The following PLCG2 variants were observed in gnomAD, a reference collection of about 807,000 sequenced individuals.
PLCG2 encodes phospholipase C gamma 2.
PLCG2 carries 69 observed loss-of-function variants against 175.6 expected under a neutral mutation model. The observed-to-expected ratio is 0.39, with a 90% CI of 0.32 to 0.48. The LOEUF (loss-of-function observed/expected upper bound fraction) is 0.48. Ranked by LOEUF, PLCG2 falls within the 20% of genes least tolerant of loss-of-function variation. The pLI, the probability that PLCG2 is intolerant of heterozygous loss-of-function variation, is 0.91. For synonymous variants in PLCG2, 827 were observed against 624.0 expected (o/e 1.33, Z -4.85); for missense variants, 1,798 against 1,650.9 (o/e 1.09, Z -1.54).
chr16:81,957,841 A>T, intron 32 of PLCG2, 115 bp from the exon 33 acceptor site: 1 of 901,930 alleles, frequency 1.1e-6, no homozygotes, highest in Non-Finnish European at 1.8e-6. Context: ...ACTCAGCCCT[A>T]TACCATCCAG....
intron 1 of PLCG2, among the ~76,000 whole-genome samples, chr16:81,744,679 C>T (rs1463510688): frequency 6.6e-6 from 1 of 152,118 alleles, no homozygotes; most frequent in Non-Finnish European, 1.5e-5. Flanking sequence ...CTCAAGTGAT[C>T]TCCTACCTCA....
chr16:81,960,271 A>G lies in PLCG2; in HGVS notation c.*2273A>G, dbSNP rs746417517. 5.4e-5 allele frequency: 12 copies of G among 220,640 alleles called. No homozygotes were observed. Among genetic ancestry groups the G allele is most frequent in the Non-Finnish European group, 1.0e-4 (11 of 110,246 alleles). 13.7% of individuals were successfully genotyped at this position (220,640 alleles called of 1,614,324 possible). ...GGTATGATGGCTCTTCCCAGAGTCT[A>G]TGTGATGCTACATAACTTCAGTATC... On this transcript the variant is annotated 3_prime_UTR_variant, in exon 33 of 33. Coordinates refer to ENST00000564138, the MANE Select transcript of PLCG2 (RefSeq NM_002661.5).
At chr16:81,742,174 G>A (rs866851141) in intron 1 of PLCG2, among the ~76,000 whole-genome samples, 10 of 150,634 alleles carry the variant, frequency 6.6e-5, no homozygotes, top group Admixed American at 3.3e-4. Flanking sequence ...GGCGGTGTTG[G>A]CTAAAATTGA....
rs991965495 is a variant in PLCG2 at position 81,854,554 on chromosome 16, A to T, written c.304A>T (p.Thr102Ser). 2 of 1,614,056 alleles carry T rather than the reference A, an allele frequency of 1.2e-6. No homozygotes were observed. The highest frequency in any genetic ancestry group is 1.7e-6 in the Non-Finnish European group (2 of 1,179,928). ...CTGCTGCTTCACCATCCTATATGGC[A>T]CTCAGTTCGTCCTCAGCACGCTCAG... Reference protein sequence around the residue: ...EDCCFTILYGTQFVLSTLSLA... With the variant: ...EDCCFTILYGSQFVLSTLSLA... Residue 102 changes from threonine (T) to serine (S), a missense_variant, in exon 3 of 33, where the codon ACT becomes TCT. Coordinates refer to ENST00000564138, the MANE Select transcript of PLCG2 (RefSeq NM_002661.5).
At chr16:81,830,048 A>G (rs1230232822) in intron 2 of PLCG2, among the ~76,000 whole-genome samples, 3 of 151,972 alleles carry the variant, frequency 2.0e-5, no homozygotes, top group African/African-American at 7.2e-5. Flanking sequence ...GGCCGGGTGC[A>G]GTGGCTCATG....
In PLCG2 at chr16:81,826,968, A is replaced by T. The variant is rs377231758; in HGVS notation, c.194-27476A>T. Among the ~76,000 whole-genome samples, 56 of 152,328 alleles carry T rather than the reference A, an allele frequency of 3.7e-4. 2 individuals carry two copies. The East Asian group carries it at 7.1e-3, about 19-fold the overall frequency. On this transcript the variant is annotated intron_variant, in intron 2 of 32. Transcript: ENST00000564138. ...TCCTGTGGATCCGATGAGATGACTG[A>T]AGATAGGACACTTGATCCTGGACTT...
At chr16:81,951,580 C>G (rs1911367446) in intron 31 of PLCG2, among the ~76,000 whole-genome samples, 1 of 152,188 alleles carries the variant, frequency 6.6e-6, no homozygotes, top group Non-Finnish European at 1.5e-5. Flanking sequence ...TGAAGCTATA[C>G]AACTTTCATA....
At chr16:81,880,881 C>T (rs776465745) in intron 7 of PLCG2, 29 bp from the exon 8 acceptor site, 4 of 1,608,714 alleles carry the variant, frequency 2.5e-6, no homozygotes, top group South Asian at 1.1e-5. Flanking sequence ...GTCTAAGGTT[C>T]TTTTTTTTGT....
chr16:81,899,406 G>A (rs559656318), intron 13 of PLCG2, among the ~76,000 whole-genome samples: 1 of 151,990 alleles, frequency 6.6e-6, no homozygotes, highest in Non-Finnish European at 1.5e-5. Flanking sequence ...GGATACAGGT[G>A]ATCCTTATTG....
chr16:81,834,708 G>T (rs1357376995), intron 2 of PLCG2, among the ~76,000 whole-genome samples: 3 of 152,182 alleles, frequency 2.0e-5, no homozygotes, highest in Non-Finnish European at 4.4e-5. Flanking sequence ...TGAGCAGGGT[G>T]GGGAGGAGAA....
At chr16:81,860,890 T>C (rs1597359643) in intron 5 of PLCG2, among the ~76,000 whole-genome samples, 1 of 152,056 alleles carries the variant, frequency 6.6e-6, no homozygotes, top group Non-Finnish European at 1.5e-5. Flanking sequence ...GGCAGGAGAA[T>C]TGCTTGAACC....
At chr16:81,893,296 C>G (rs543393414) in intron 11 of PLCG2, among the ~76,000 whole-genome samples, 7 of 152,232 alleles carry the variant, frequency 4.6e-5, no homozygotes, top group African/African-American at 1.7e-4. Flanking sequence ...AATATCTGTT[C>G]TGTGCCTGGC....
At chr16:81,904,933 G>C (rs183475594) in intron 14 of PLCG2, among the ~76,000 whole-genome samples, 2 of 152,180 alleles carry the variant, frequency 1.3e-5, no homozygotes, top group African/African-American at 4.8e-5. Flanking sequence ...TGTTGCCCAG[G>C]CTGGAGTGCA....
At chr16:81,952,223 G>C (rs1208656885) in intron 31 of PLCG2, among the ~76,000 whole-genome samples, 2 of 151,880 alleles carry the variant, frequency 1.3e-5, no homozygotes, top group African/African-American at 4.8e-5. Context: ...TGTTGGATTG[G>C]AATTGGAGGT....
At chr16:81,841,322 C>T (rs945946713) in intron 2 of PLCG2, among the ~76,000 whole-genome samples, 2 of 152,036 alleles carry the variant, frequency 1.3e-5, no homozygotes, top group African/African-American at 4.8e-5. Context: ...CTTCAACCTC[C>T]GTCTCCTGGG....
upstream of PLCG2, among the ~76,000 whole-genome samples, chr16:81,776,956 G>C (rs908560844): frequency 1.1e-4 from 16 of 152,160 alleles, no homozygotes; most frequent in Admixed American, 1.0e-3. Flanking sequence ...GTTCACCTGG[G>C]GGGTGGGGTT....
intron 7 of PLCG2, among the ~76,000 whole-genome samples, chr16:81,876,719 G>A (rs1182683319): frequency 6.6e-6 from 1 of 152,224 alleles, no homozygotes; most frequent in Non-Finnish European, 1.5e-5. Context: ...CTTTGCTGGG[G>A]TGGGAAGGTC....
At chr16:81,816,445 C>G (rs1904550630) in intron 2 of PLCG2, among the ~76,000 whole-genome samples, 1 of 151,296 alleles carries the variant, frequency 6.6e-6, no homozygotes, top group African/African-American at 2.4e-5. Context: ...AAAGGGTGAC[C>G]TGGCAAGTCT....
chr16:81,902,716 C>G (rs1909203794), intron 14 of PLCG2, among the ~76,000 whole-genome samples: 1 of 152,030 alleles, frequency 6.6e-6, no homozygotes, highest in Non-Finnish European at 1.5e-5. Flanking sequence ...TCTGTGTTAC[C>G]CATTCTCACA....
Sources: allele counts gnomAD v4.1 joint callset (sites outside exome capture counted in the v4.1 genomes callset), GRCh38; gene constraint gnomAD v4.1.1; transcripts MANE v1.5; gene names NCBI Gene and HGNC (gene_info 2026-07-23, HGNC 2026-07-21).